ROBO1: variants seen among roughly 807,000 people sequenced by gnomAD.
ROBO1 encodes the protein roundabout homolog 1.
In ROBO1, 149 loss-of-function variants were observed where a neutral mutation model predicts 195.9. That is an observed-to-expected ratio of 0.76 (90% CI 0.67 to 0.87). The LOEUF is 0.87. ROBO1 is among the 40% of genes least tolerant of loss of function. The pLI is 0.00. For missense variants in ROBO1, 1,933 were observed against 2,068.3 expected (o/e 0.93, Z 1.27); for synonymous variants, 816 against 733.2 (o/e 1.11, Z -1.82).
chr3:78,648,171 A>G (rs1706418397), intron 19 of ROBO1, among the ~76,000 whole-genome samples: 1 of 151,878 alleles, frequency 6.6e-6, no homozygotes, highest in African/African-American at 2.4e-5. Flanking sequence ...AAGAAGAAAC[A>G]ACAAACAAAC....
At chr3:79,032,475 C>A (rs566711405) in intron 3 of ROBO1, among the ~76,000 whole-genome samples, 4 of 151,796 alleles carry the variant, frequency 2.6e-5, no homozygotes, top group South Asian at 4.1e-4. Flanking sequence ...AAAGTAAGTA[C>A]CAGTAAACCA....
chr3:78,715,487 C>G (rs1345254836), intron 7 of ROBO1, among the ~76,000 whole-genome samples: 2 of 152,106 alleles, frequency 1.3e-5, no homozygotes, highest in African/African-American at 4.8e-5. Flanking sequence ...ACTAGCCTCT[C>G]CCCAGAATAA....
chr3:79,380,990 G>A lies in ROBO1; in HGVS notation c.88+208834C>T, dbSNP rs946615862. 2.0e-4 allele frequency among the ~76,000 whole-genome samples: 31 copies of A among 152,314 alleles called. 1 individual carries two copies. Among genetic ancestry groups the A allele is most frequent in the Admixed American group, 2.0e-3 (31 of 15,306 alleles). On this transcript the variant is annotated intron_variant, in intron 2 of 30. Coordinates refer to ENST00000464233, the MANE Select transcript of ROBO1 (RefSeq NM_002941.4). Reference sequence around the variant, plus strand: ...ACCCTCCATTTGGTTGCAGACATATGAGTGAGTCCAGCTGAATTATGGCAA... The same window carrying A: ...ACCCTCCATTTGGTTGCAGACATATAAGTGAGTCCAGCTGAATTATGGCAA...
intron 2 of ROBO1, among the ~76,000 whole-genome samples, chr3:79,515,105 A>G (rs1401880102): frequency 6.6e-6 from 1 of 152,134 alleles, no homozygotes; most frequent in Admixed American, 6.6e-5. Flanking sequence ...TCCCCTTCCA[A>G]ACACAGCCTG....
intron 4 of ROBO1, among the ~76,000 whole-genome samples, chr3:78,916,316 G>T (rs781147057): frequency 2.5e-4 from 38 of 149,366 alleles, no homozygotes; most frequent in Non-Finnish European, 5.0e-4. Context: ...ACTTTGGGAA[G>T]CCGAGGTGGG....
At chr3:79,626,803 G>A (rs183250429) in intron 1 of ROBO1, among the ~76,000 whole-genome samples, 88 of 152,214 alleles carry the variant, frequency 5.8e-4, no homozygotes, top group African/African-American at 2.1e-3. Flanking sequence ...CTTCAGCAGA[G>A]TCTCAGGATA....
At chr3:79,277,492 G>C (rs2031138882) in intron 2 of ROBO1, among the ~76,000 whole-genome samples, 1 of 152,000 alleles carries the variant, frequency 6.6e-6, no homozygotes, top group Non-Finnish European at 1.5e-5. Context: ...GATGTGGGGA[G>C]GATGGAAGTG....
intron 1 of ROBO1, among the ~76,000 whole-genome samples, chr3:79,664,952 G>T (rs972696934): frequency 2.6e-5 from 4 of 151,878 alleles, no homozygotes; most frequent in Non-Finnish European, 4.4e-5. Flanking sequence ...AAAGTGTAAT[G>T]TATTTAATAA....
intron 2 of ROBO1, among the ~76,000 whole-genome samples, chr3:79,496,424 C>CGGA (rs1559941171): frequency 1.2e-5 from 1 of 80,332 alleles, no homozygotes; most frequent in Non-Finnish European, 2.6e-5. Context: ...TCGCCCAGGC[C>CGGA]GGACTGCGGA....
At chr3:79,736,052 A>G (rs1339404426) in intron 1 of ROBO1, among the ~76,000 whole-genome samples, 1 of 152,176 alleles carries the variant, frequency 6.6e-6, no homozygotes, top group Non-Finnish European at 1.5e-5. Flanking sequence ...TGTGTAAAAA[A>G]AATTAAGTAA....
chr3:79,659,270 C>T (rs537417390), intron 1 of ROBO1, among the ~76,000 whole-genome samples: 1 of 152,134 alleles, frequency 6.6e-6, no homozygotes, highest in East Asian at 1.9e-4. Flanking sequence ...CATTTTATCA[C>T]ACAAATATCT....
intron 3 of ROBO1, among the ~76,000 whole-genome samples, chr3:79,052,345 T>A (rs181006459): frequency 0.012 from 1,818 of 152,218 alleles, 47 homozygotes; most frequent in African/African-American, 0.042. Flanking sequence ...TCAGACTGGT[T>A]GTCTGCTCTT....
At chr3:78,940,748 G>A (rs1040930564) in intron 3 of ROBO1, among the ~76,000 whole-genome samples, 5 of 152,226 alleles carry the variant, frequency 3.3e-5, no homozygotes, top group South Asian at 4.1e-4. Context: ...TCTATTTGTC[G>A]GATGCTATTT....
At chr3:79,479,255 T>C (rs548505898) in intron 2 of ROBO1, among the ~76,000 whole-genome samples, 1 of 152,294 alleles carries the variant, frequency 6.6e-6, no homozygotes, top group East Asian at 1.9e-4. Flanking sequence ...GATGGGGTGA[T>C]GGGGGAAATG....
chr3:79,667,719 A>G (rs1402326819), intron 1 of ROBO1, among the ~76,000 whole-genome samples: 2 of 151,842 alleles, frequency 1.3e-5, no homozygotes, highest in Non-Finnish European at 2.9e-5. Context: ...TGTCTTGATC[A>G]AGCAATCACT....
chr3:79,366,002 T>A (rs1559848500), intron 2 of ROBO1, among the ~76,000 whole-genome samples: 1 of 152,126 alleles, frequency 6.6e-6, no homozygotes, highest in African/African-American at 2.4e-5. Context: ...TTTTTGGTTA[T>A]GCACTCTCAT....
At chr3:79,320,480 A>G (rs555635249) in intron 2 of ROBO1, among the ~76,000 whole-genome samples, 1 of 152,272 alleles carries the variant, frequency 6.6e-6, no homozygotes, top group African/African-American at 2.4e-5. Context: ...GGTGTGTACC[A>G]TCATGCCCAG....
At chr3:78,716,954 T>C (rs889116070) in intron 7 of ROBO1, among the ~76,000 whole-genome samples, 1 of 152,154 alleles carries the variant, frequency 6.6e-6, no homozygotes, top group Non-Finnish European at 1.5e-5. Flanking sequence ...CTTTCTTCCC[T>C]TTCCTGCCTA....
chr3:79,006,418 G>A (rs2077622026), intron 3 of ROBO1, among the ~76,000 whole-genome samples: 1 of 152,142 alleles, frequency 6.6e-6, no homozygotes, highest in Non-Finnish European at 1.5e-5. Flanking sequence ...AGTAGAAATA[G>A]GCAGCAACAG....
Sources: allele counts gnomAD v4.1 joint callset (sites outside exome capture counted in the v4.1 genomes callset), GRCh38; gene constraint gnomAD v4.1.1; transcripts MANE v1.5; gene names NCBI Gene and HGNC (gene_info 2026-07-23, HGNC 2026-07-21).